Variants in SAMMSON observed in about 807,000 individuals in gnomAD.
SAMMSON encodes the protein survival associated mitochondrial melanoma specific oncogenic non-coding RNA, also known as long intergenic non-protein coding RNA 1212.
intron 4 of SAMMSON, among the ~76,000 whole-genome samples, chr3:70,176,822 T>A (rs1464147088): frequency 6.6e-6 from 1 of 152,150 alleles, no homozygotes; most frequent in African/African-American, 2.4e-5. Flanking sequence ...AGATGATCAT[T>A]TTTTTCTGAA....
rs561232673 is a variant in SAMMSON at position 70,376,850 on chromosome 3, G to A, written n.914-12724G>A. ...TTTTCTGTACATTTTAACTTAACTG[G>A]CATCATGCTGCCCATATCATTTTAT... is the stretch of plus-strand genomic sequence containing the variant. On this transcript the variant is annotated intron_variant and non_coding_transcript_variant, in intron 9 of 9. Coordinates refer to ENST00000642114, the Ensembl canonical transcript of SAMMSON. Among the ~76,000 whole-genome samples, 26 of 151,870 alleles carry A rather than the reference G, an allele frequency of 1.7e-4. No homozygotes were observed. In the East Asian group the frequency reaches 5.0e-3, roughly 29 times the overall value.
At chr3:70,103,993 GC>G (rs1315120175) in intron 4 of SAMMSON, among the ~76,000 whole-genome samples, 1 of 136,868 alleles carries the variant, frequency 7.3e-6, no homozygotes, top group Non-Finnish European at 1.5e-5. Context: ...ATTCATTTAA[GC>G]TTTTTTTTTT....
At chr3:70,355,311 A>G (rs1168991219) in intron 8 of SAMMSON, among the ~76,000 whole-genome samples, 2 of 152,190 alleles carry the variant, frequency 1.3e-5, no homozygotes, top group East Asian at 3.8e-4. Flanking sequence ...CTGTTCAGGA[A>G]ATCTTCCAAC....
At chr3:70,287,556 A>G (rs1228308983) in intron 6 of SAMMSON, among the ~76,000 whole-genome samples, 13 of 152,040 alleles carry the variant, frequency 8.6e-5, no homozygotes, top group African/African-American at 1.9e-4. Context: ...TTGGTATCAG[A>G]ATGATGCTGG....
At chr3:70,118,823 G>T (rs2067421731) in intron 4 of SAMMSON, among the ~76,000 whole-genome samples, 1 of 152,084 alleles carries the variant, frequency 6.6e-6, no homozygotes, top group African/African-American at 2.4e-5. Context: ...TAAGTAACCT[G>T]CCCAAAGACA....
At chr3:70,018,246 T>C (rs556981011) in intron 3 of SAMMSON, among the ~76,000 whole-genome samples, 93 of 152,344 alleles carry the variant, frequency 6.1e-4, no homozygotes, top group African/African-American at 2.2e-3. Flanking sequence ...TATTAATTAT[T>C]GCCTCAATTT....
intron 4 of SAMMSON, among the ~76,000 whole-genome samples, chr3:70,123,997 T>C (rs921092346): frequency 5.9e-5 from 9 of 152,200 alleles, no homozygotes; most frequent in African/African-American, 2.2e-4. Flanking sequence ...TCTGAACAGA[T>C]TGGGCGGATG....
intron 7 of SAMMSON, among the ~76,000 whole-genome samples, chr3:70,327,532 C>T (rs1309521504): frequency 6.6e-6 from 1 of 152,116 alleles, no homozygotes; most frequent in African/African-American, 2.4e-5. Context: ...GAAGAGAAGG[C>T]TGCAAGGAGA....
intron 7 of SAMMSON, chr3:70,312,033 C>T (rs916866047): frequency 7.6e-6 from 3 of 396,294 alleles, no homozygotes; most frequent in Admixed American, 4.4e-5. Flanking sequence ...TTTATAACAT[C>T]GAGTTTTATA....
chr3:70,032,583 T>TA (rs2067070223), intron 3 of SAMMSON, among the ~76,000 whole-genome samples: 1 of 152,218 alleles, frequency 6.6e-6, no homozygotes. Flanking sequence ...CTGCAGATCT[T>TA]ACGCTTTCTA....
At chr3:70,036,541 G>T (rs559614458) in intron 3 of SAMMSON, among the ~76,000 whole-genome samples, 2 of 152,132 alleles carry the variant, frequency 1.3e-5, no homozygotes, top group Non-Finnish European at 1.5e-5. Flanking sequence ...ATGAAAGTTG[G>T]ACCCAGGACT....
chr3:70,335,244 G>A (rs993264533), intron 7 of SAMMSON, among the ~76,000 whole-genome samples: 1 of 152,010 alleles, frequency 6.6e-6, no homozygotes, highest in African/African-American at 2.4e-5. Context: ...GCAAAGTGTG[G>A]ATGTTTTACT....
chr3:70,097,937 C>G (rs949183018), intron 4 of SAMMSON, among the ~76,000 whole-genome samples: 1 of 152,136 alleles, frequency 6.6e-6, no homozygotes, highest in Non-Finnish European at 1.5e-5. Flanking sequence ...ATGTATTAAT[C>G]CTCACAACAT....
chr3:70,379,621 T>C (rs1055255716), intron 9 of SAMMSON, among the ~76,000 whole-genome samples: 2 of 152,154 alleles, frequency 1.3e-5, no homozygotes, highest in African/African-American at 4.8e-5. Context: ...CAATCAGTCA[T>C]TGGATATGGT....
chr3:70,379,290 T>TA (rs1022879351), intron 9 of SAMMSON, among the ~76,000 whole-genome samples: 1 of 152,082 alleles, frequency 6.6e-6, no homozygotes. Context: ...CTTACACTTT[T>TA]AAAAAAATAA....
intron 4 of SAMMSON, among the ~76,000 whole-genome samples, chr3:70,119,346 C>T (rs576930221): frequency 6.6e-6 from 1 of 152,288 alleles, no homozygotes; most frequent in South Asian, 2.1e-4. Flanking sequence ...GGATTACAGG[C>T]GTGAGCCACT....
At chr3:70,214,801 A>G (rs1420392867) in intron 4 of SAMMSON, among the ~76,000 whole-genome samples, 1 of 152,082 alleles carries the variant, frequency 6.6e-6, no homozygotes, top group Non-Finnish European at 1.5e-5. Context: ...TGCAATTATG[A>G]GTCTCCATTT....
intron 6 of SAMMSON, among the ~76,000 whole-genome samples, chr3:70,268,908 C>T (rs904141421): frequency 4.6e-5 from 7 of 151,938 alleles, no homozygotes; most frequent in Non-Finnish European, 8.8e-5. Flanking sequence ...TTATGTATGG[C>T]CTCTATTAAT....
At chr3:70,306,425 T>A (rs1280586663) in intron 7 of SAMMSON, among the ~76,000 whole-genome samples, 1 of 152,230 alleles carries the variant, frequency 6.6e-6, no homozygotes, top group Non-Finnish European at 1.5e-5. Context: ...ATCGTTTTTA[T>A]ATCATCAAAG....
Sources: allele counts gnomAD v4.1 joint callset (sites outside exome capture counted in the v4.1 genomes callset), GRCh38; gene constraint gnomAD v4.1.1; transcripts MANE v1.5; gene names NCBI Gene and HGNC (gene_info 2026-07-23, HGNC 2026-07-21).